The following ZFYVE16 variants were observed in gnomAD, a reference collection of about 807,000 sequenced individuals.
ZFYVE16 encodes zinc finger FYVE-type containing 16, also known as zinc finger FYVE domain-containing protein 16.
ZFYVE16 carries 89 observed loss-of-function variants against 138.1 expected under a neutral mutation model. That is an observed-to-expected ratio of 0.64 (90% CI 0.54 to 0.77). ZFYVE16 has a LOEUF of 0.77. Ranked by LOEUF, ZFYVE16 falls within the 30% of genes least tolerant of loss-of-function variation. The pLI, the probability that ZFYVE16 is intolerant of heterozygous loss-of-function variation, is 0.00. For missense variants in ZFYVE16, 1,793 were observed against 1,786.7 expected, an observed-to-expected ratio of 1.00 and a Z score of -0.06; for synonymous variants, 596 against 618.3, an observed-to-expected ratio of 0.96 and a Z score of 0.53.
rs1159093512 is a variant in ZFYVE16, at chr5:80,474,795, A to T, written c.4426A>T (p.Lys1476Ter). Residue 1476 changes from lysine to a stop codon, truncating the protein, a stop_gained, in exon 18 of 19, where the codon AAA (lysine) becomes TAA (stop). Transcript: ENST00000505560. LOFTEE classifies it high-confidence loss of function. ...AACTCTAAAAAGTAATGGGATGAATAAAATTGGACTCAGAGTTTCCATTGA... is the reference window on the plus strand; with the variant it reads ...AACTCTAAAAAGTAATGGGATGAATTAAATTGGACTCAGAGTTTCCATTGA... ...LKTLKSNGMN[K>*]IGLRVSIDTD... 1 of 1,613,358 alleles carries T rather than the reference A, an allele frequency of 6.2e-7. No homozygotes were observed. Among genetic ancestry groups the T allele is most frequent in the Admixed American group, 1.7e-5 (1 of 59,908 alleles).
chr5:80,419,971 C>G (rs1177289650), intron 1 of ZFYVE16, among the ~76,000 whole-genome samples: 1 of 151,336 alleles, frequency 6.6e-6, no homozygotes, highest in East Asian at 2.0e-4. Context: ...TCCACCACGC[C>G]TGGCTAATTT....
In ZFYVE16 at chr5:80,438,897, G is replaced by A. The variant is rs770255041; in HGVS notation, c.2212G>A (p.Gly738Ser). 2.4e-5 allele frequency: 38 copies of A among 1,614,002 alleles called. No individual in the cohort carries two copies. The highest frequency in any genetic ancestry group is 3.2e-5 in the Non-Finnish European group (38 of 1,179,946). ...CACTTGCAAAGAAGGCTTGGTTTTG[G>A]GCCAGAAACAGCCTACTTGGGTTCC... ...ENTCKEGLVL[G>S]QKQPTWVPDS... Residue 738 changes from glycine to serine, a missense_variant, in exon 4 of 19, where the codon GGC (glycine) becomes AGC (serine). By Grantham distance (56) the Gly-to-Ser change is moderately conservative. Around this residue, in one of 2 missense-constraint regions of ZFYVE16, gnomAD observed 1,295 missense variants for 1,204.3 expected, o/e 1.08. Coordinates refer to ENST00000505560, the MANE Select transcript of ZFYVE16 (RefSeq NM_001284236.3).
rs1219186908 is a variant in ZFYVE16 at position 80,480,140 on chromosome 5, A to G, written c.*2763A>G. Among the ~76,000 whole-genome samples the G allele has an allele frequency of 6.6e-6, 1 of 150,840 alleles. No individual in the cohort carries two copies. The highest frequency in any genetic ancestry group is 1.9e-4 in the East Asian group (1 of 5,196). ...AGGAAACTAGATTCCAGAGGCAAGA[A>G]TTACTTGAAGCAATGAAAACAAACT... is the stretch of plus-strand genomic sequence containing the variant. On this transcript the variant is annotated 3_prime_UTR_variant, in exon 19 of 19. Coordinates refer to ENST00000505560, the MANE Select transcript of ZFYVE16 (RefSeq NM_001284236.3).
At chr5:80,408,211 G>C (rs1292489109) in intron 1 of ZFYVE16, 58 bp downstream of exon 1, 1 of 152,438 alleles carries the variant, frequency 6.6e-6, no homozygotes, top group East Asian at 1.9e-4. Flanking sequence ...TGTTCCCACA[G>C]GGGGGCGGGG....
At chr5:80,412,570 C>T (rs1249106802) in intron 1 of ZFYVE16, among the ~76,000 whole-genome samples, 1 of 151,958 alleles carries the variant, frequency 6.6e-6, no homozygotes, top group Non-Finnish European at 1.5e-5. Context: ...ATTATATTAT[C>T]TTTTTTTATA....
chr5:80,465,427 G>T (rs1753640812), intron 15 of ZFYVE16, among the ~76,000 whole-genome samples: 1 of 7,758 alleles, frequency 1.3e-4, no homozygotes, highest in African/African-American at 2.3e-4. Context: ...TTTTTTTTGA[G>T]ACAGGATTTA....
intron 15 of ZFYVE16, among the ~76,000 whole-genome samples, chr5:80,470,118 T>TG: frequency 2.2e-5 from 1 of 44,852 alleles, no homozygotes; most frequent in Non-Finnish European, 1.0e-4. Flanking sequence ...TTTTTTTTTT[T>TG]TGAGACAGAG....
intron 15 of ZFYVE16, among the ~76,000 whole-genome samples, chr5:80,462,711 T>C (rs1753261603): frequency 6.6e-6 from 1 of 152,226 alleles, no homozygotes; most frequent in Non-Finnish European, 1.5e-5. Flanking sequence ...AAGTCTCATC[T>C]GAGACAAGGC....
At chr5:80,434,673 G>A (rs1749618379) in intron 3 of ZFYVE16, among the ~76,000 whole-genome samples, 1 of 151,950 alleles carries the variant, frequency 6.6e-6, no homozygotes, top group Non-Finnish European at 1.5e-5. Context: ...ATCTTCCTAT[G>A]TTGCCCAGGC....
chr5:80,435,839 C>G, intron 3 of ZFYVE16: 1 of 300,906 alleles, frequency 3.3e-6, no homozygotes, highest in Non-Finnish European at 6.8e-6. Flanking sequence ...CTTCCCAAAG[C>G]GCTGGGATTA....
At chr5:80,450,629 A>G in intron 10 of ZFYVE16, 43 bp downstream of exon 10, 1 of 1,576,748 alleles carries the variant, frequency 6.3e-7, no homozygotes, top group Non-Finnish European at 8.6e-7. Flanking sequence ...GGGAATGGAT[A>G]AATTAGTTAA....
chr5:80,438,667 G>T lies in ZFYVE16; in HGVS notation c.1982G>T (p.Ser661Ile). 1 of 1,614,094 alleles carries T rather than the reference G, an allele frequency of 6.2e-7. No individual in the cohort carries two copies. The highest frequency in any genetic ancestry group is 8.5e-7 in the Non-Finnish European group (1 of 1,179,974). ...TTTAGCCTTCCATCAAGAACAAGGA[G>T]TTCAAAGGACCTGAATAAGCCAGAT... is the stretch of plus-strand genomic sequence containing the variant. ...QLFSLPSRTR[S>I]SKDLNKPDVP... is the part of the protein sequence containing the mutation. Residue 661 changes from serine to isoleucine, a missense_variant, in exon 4 of 19, where the codon AGT (serine) becomes ATT (isoleucine). Physicochemically the swap from Ser to Ile is moderately radical, Grantham distance 142 (BLOSUM62 -2). Coordinates refer to ENST00000505560, the MANE Select transcript of ZFYVE16 (RefSeq NM_001284236.3).
chr5:80,451,790 A>G (rs1468289205), intron 11 of ZFYVE16, 81 bp downstream of exon 11: 1 of 1,295,790 alleles, frequency 7.7e-7, no homozygotes, highest in African/African-American at 1.5e-5. Flanking sequence ...ATTAAAATCA[A>G]TTTTAATGGA....
chr5:80,469,258 A>G (rs1754054619), intron 15 of ZFYVE16, among the ~76,000 whole-genome samples: 1 of 151,474 alleles, frequency 6.6e-6, no homozygotes, highest in African/African-American at 2.4e-5. Context: ...ACACACCACC[A>G]CACCTGGCTA....
intron 8 of ZFYVE16, among the ~76,000 whole-genome samples, chr5:80,448,702 T>C (rs927621676): frequency 6.6e-6 from 1 of 152,112 alleles, no homozygotes; most frequent in Admixed American, 6.5e-5. Context: ...GACACTGTAT[T>C]ATTACTATTT....
chr5:80,430,195 C>G (rs565303747), intron 2 of ZFYVE16, among the ~76,000 whole-genome samples: 1 of 152,278 alleles, frequency 6.6e-6, no homozygotes, highest in East Asian at 1.9e-4. Context: ...AGAAGTAAAG[C>G]ACTCCTCAGC....
At position 80,450,394 on chromosome 5, in the gene ZFYVE16, A is replaced by G. The variant is rs763407121; in HGVS notation, c.3227-37A>G. 4.2e-5 allele frequency: 66 copies of G among 1,586,300 alleles called. 2 individuals carry two copies. The South Asian group carries it at 5.9e-4, about 14-fold the overall frequency. On this transcript the variant is annotated intron_variant, in intron 9 of 18. Transcript: ENST00000505560. ...TGTTCTTAGTTTTTTGACTAATAGA[A>G]GTTGACATTAATAGTTATATTCTTT...
At chr5:80,441,588 C>T (rs969567) in intron 5 of ZFYVE16, 869,510 of 984,746 alleles carry the variant, frequency 0.88, 389,518 homozygotes, top group East Asian at 0.92. Flanking sequence ...GGTTGTGAGA[C>T]ATATGCCATG....
rs1325509005 is a variant in ZFYVE16 at position 80,437,484 on chromosome 5, C to A, written c.799C>A (p.Gln267Lys). 10 of 1,610,040 alleles carry A rather than the reference C, an allele frequency of 6.2e-6. No homozygotes were observed. Among genetic ancestry groups the A allele is most frequent in the Non-Finnish European group, 7.6e-6 (9 of 1,178,594 alleles). The change falls in exon 4 of 19, where the codon CAG becomes AAG. Residue 267 changes from glutamine (Q) to lysine (K), a missense_variant. Gln to Lys is a moderately conservative substitution (Grantham distance 53). Coordinates refer to ENST00000505560, the MANE Select transcript of ZFYVE16 (RefSeq NM_001284236.3). ...HAKDKLQHKS[Q>K]PCGLLKDVGL... ...CAAAGACAAGCTACAACACAAGAGC[C>A]AGCCATGTGGATTACTAAAAGATGT...
Sources: gnomAD v4.1 joint callset for allele counts (sites outside exome capture counted in the v4.1 genomes callset) on GRCh38, gnomAD v4.1.1 for gene constraint, gnomAD v4.1.1 regional missense constraint, MANE v1.5 for transcripts, NCBI Gene and HGNC (gene_info 2026-07-23, HGNC 2026-07-21) for gene names.